The following HNF4G variants were observed in gnomAD, a reference collection of about 807,000 sequenced individuals.
The protein encoded by HNF4G is hepatocyte nuclear factor 4-gamma.
Under a neutral mutation model 50.9 loss-of-function variants are expected in HNF4G, and 21 were observed. The observed-to-expected ratio is 0.41, with a 90% CI of 0.29 to 0.59. The LOEUF is 0.59. Among genes scored for constraint, HNF4G ranks in the 20% least tolerant of loss-of-function variants. The probability of loss-of-function intolerance (pLI) is 0.26; values close to 1 mark genes in which losing one functional copy is unlikely to be tolerated. For synonymous variants in HNF4G, 198 were observed against 185.6 expected (o/e 1.07, Z -0.54); for missense variants, 527 against 559.4 (o/e 0.94, Z 0.58).
At chr8:75,467,153 G>A (rs1329720740) in intron 1 of HNF4G, among the ~76,000 whole-genome samples, 1 of 151,890 alleles carries the variant, frequency 6.6e-6, no homozygotes, top group African/African-American at 2.4e-5. Context: ...TAGGTTTTTG[G>A]TTTTCCCTAT....
At chr8:75,464,753 A>C (rs1477857647) in intron 1 of HNF4G, among the ~76,000 whole-genome samples, 1 of 152,218 alleles carries the variant, frequency 6.6e-6, no homozygotes, top group Non-Finnish European at 1.5e-5. Context: ...AATTCCTCTC[A>C]TTTAGATCAT....
intron 2 of HNF4G, among the ~76,000 whole-genome samples, chr8:75,496,722 A>G (rs1054352965): frequency 2.6e-5 from 4 of 152,040 alleles, no homozygotes; most frequent in Admixed American, 2.0e-4. Flanking sequence ...TAAGACTATA[A>G]CCAGACAAGT....
intron 2 of HNF4G, among the ~76,000 whole-genome samples, chr8:75,504,173 A>G (rs1038222776): frequency 6.6e-6 from 1 of 151,114 alleles, no homozygotes; most frequent in African/African-American, 2.4e-5. Flanking sequence ...GTGAGCTGAG[A>G]TTGTGCCACT....
intron 1 of HNF4G, among the ~76,000 whole-genome samples, chr8:75,412,960 G>T (rs889739674): frequency 6.6e-6 from 1 of 151,964 alleles, no homozygotes; most frequent in Admixed American, 6.6e-5. Context: ...AAGCAAAAAG[G>T]GTACATTTAG....
chr8:75,508,421 T>G lies in HNF4G; in HGVS notation c.-24+18213T>G, dbSNP rs188190221. 2.4e-3 allele frequency among the ~76,000 whole-genome samples: 361 copies of G among 149,594 alleles called. 2 individuals are homozygous for G. The highest frequency in any genetic ancestry group is 8.5e-3 in the African/African-American group (345 of 40,822). On this transcript the variant is annotated intron_variant, in intron 2 of 10. Coordinates refer to the HNF4G transcript ENST00000354370. ...CTCCATCTTACACCATGGTCCCAAA[T>G]AAATTCTAAATATATTAAACAGTTA... is the stretch of plus-strand genomic sequence containing the variant.
intron 1 of HNF4G, among the ~76,000 whole-genome samples, chr8:75,489,637 G>A (rs1028237411): frequency 2.6e-5 from 4 of 152,202 alleles, no homozygotes; most frequent in Admixed American, 2.6e-4. Flanking sequence ...CCATGGTTGA[G>A]TTTTATAAGA....
At chr8:75,489,565 T>C (rs1812574076) in intron 1 of HNF4G, among the ~76,000 whole-genome samples, 1 of 152,202 alleles carries the variant, frequency 6.6e-6, no homozygotes, top group Admixed American at 6.5e-5. Flanking sequence ...TTACATTCAA[T>C]TGAACTCTAT....
intron 1 of HNF4G, among the ~76,000 whole-genome samples, chr8:75,467,939 A>G (rs1210684186): frequency 2.0e-5 from 3 of 152,154 alleles, no homozygotes; most frequent in African/African-American, 7.2e-5. Flanking sequence ...TTCACGTTAC[A>G]TTTTAAGAAC....
intron 1 of HNF4G, among the ~76,000 whole-genome samples, chr8:75,478,189 C>A (rs543337009): frequency 2.0e-5 from 3 of 152,132 alleles, no homozygotes; most frequent in East Asian, 3.9e-4. Flanking sequence ...TGGCGGGTGC[C>A]TGTGATCCCA....
chr8:75,409,640 C>G (rs1235529573), intron 1 of HNF4G, among the ~76,000 whole-genome samples: 1 of 151,738 alleles, frequency 6.6e-6, no homozygotes, highest in Non-Finnish European at 1.5e-5. Context: ...AGGCGCCCAC[C>G]ACCACACCCG....
intron 1 of HNF4G, among the ~76,000 whole-genome samples, chr8:75,540,851 A>ATGTGTG (rs56799230): frequency 0.026 from 3,849 of 146,396 alleles, 96 homozygotes; most frequent in African/African-American, 0.068. Context: ...GAAAATGTGT[A>ATGTGTG]TGTGTGTGTG....
chr8:75,428,155 A>G (rs1237001684), intron 1 of HNF4G, among the ~76,000 whole-genome samples: 1 of 152,204 alleles, frequency 6.6e-6, no homozygotes, highest in African/African-American at 2.4e-5. Context: ...AGGTAGGAAT[A>G]TTGATCAAAA....
At chr8:75,408,324 G>C (rs1356414674) in intron 1 of HNF4G, among the ~76,000 whole-genome samples, 1 of 152,132 alleles carries the variant, frequency 6.6e-6, no homozygotes, top group Non-Finnish European at 1.5e-5. Context: ...GCTGTAGCGG[G>C]TCATGTGATT....
At chr8:75,510,970 G>T (rs966018923) in intron 2 of HNF4G, among the ~76,000 whole-genome samples, 1 of 151,768 alleles carries the variant, frequency 6.6e-6, no homozygotes, top group African/African-American at 2.4e-5. Flanking sequence ...TTTTTATTTT[G>T]GTATCTTGAT....
intron 1 of HNF4G, among the ~76,000 whole-genome samples, chr8:75,487,171 T>G (rs1812518198): frequency 6.6e-6 from 1 of 152,230 alleles, no homozygotes; most frequent in Non-Finnish European, 1.5e-5. Flanking sequence ...AGTATTTACC[T>G]TGGGACAGGC....
In HNF4G at chr8:75,521,928, T is replaced by C. The variant is rs377135505; in HGVS notation, c.-23-21883T>C. Among the ~76,000 whole-genome samples, 8 of 152,304 alleles carry C rather than the reference T, an allele frequency of 5.3e-5. No individual in the cohort carries two copies. The East Asian group carries it at 1.5e-3, about 29-fold the overall frequency. On this transcript the variant is annotated intron_variant, in intron 2 of 10. Transcript: ENST00000354370. ...CCCTATTTAGGATTTTTGGGTTTAT[T>C]ATGATGGTGCAAAAGCAGTACACAT...
At chr8:75,454,269 A>G (rs888236469) in intron 1 of HNF4G, among the ~76,000 whole-genome samples, 1 of 152,198 alleles carries the variant, frequency 6.6e-6, no homozygotes, top group Middle Eastern at 3.2e-3. Context: ...ACCGAGAGAA[A>G]TAAAATTCTG....
intron 2 of HNF4G, among the ~76,000 whole-genome samples, chr8:75,502,597 G>C (rs1030567725): frequency 2.0e-5 from 3 of 152,144 alleles, no homozygotes; most frequent in Non-Finnish European, 2.9e-5. Flanking sequence ...ACAAGGGTAA[G>C]CAACAATGTA....
intron 1 of HNF4G, among the ~76,000 whole-genome samples, chr8:75,414,861 G>A: frequency 6.6e-6 from 1 of 152,108 alleles, no homozygotes; most frequent in East Asian, 1.9e-4. Context: ...GAACTTTCTT[G>A]TATCAAGTCT....
Sources: gnomAD v4.1 joint callset for allele counts (sites outside exome capture counted in the v4.1 genomes callset) on GRCh38, gnomAD v4.1.1 for gene constraint, MANE v1.5 for transcripts, NCBI Gene and HGNC (gene_info 2026-07-23, HGNC 2026-07-21) for gene names.